Variants in IL1RAPL1 observed in about 807,000 individuals in gnomAD.
IL1RAPL1 encodes the protein interleukin-1 receptor accessory protein-like 1.
A neutral mutation model predicts 48.4 loss-of-function variants in IL1RAPL1; 3 were observed. The observed-to-expected ratio is 0.06, with a 90% CI of 0.03 to 0.16. The LOEUF is 0.16. Ranked by LOEUF, IL1RAPL1 falls within the 10% of genes least tolerant of loss-of-function variation. IL1RAPL1 has a pLI of 1.00. For missense variants in IL1RAPL1, 349 were observed against 530.6 expected (o/e 0.66, Z 3.36); for synonymous variants, 185 against 187.7 (o/e 0.99, Z 0.12).
At chrX:29,336,550 A>G (rs1932999787) in intron 3 of IL1RAPL1, among the ~76,000 whole-genome samples, 1 of 109,971 alleles carries the variant, frequency 9.1e-6, no homozygotes, top group Non-Finnish European at 1.9e-5. Flanking sequence ...CAACACTCCT[A>G]TGCCAAAAGA....
At position 29,165,986 on chromosome X, in the gene IL1RAPL1, G is replaced by A. The variant is rs146586989; in HGVS notation, c.83-116952G>A. Among the ~76,000 whole-genome samples the A allele has an allele frequency of 4.1e-3, 457 of 112,667 alleles. 1 individual carries two copies. The highest frequency in any genetic ancestry group is 0.028 in the Middle Eastern group (6 of 217). On this transcript the variant is annotated intron_variant, in intron 2 of 10. Coordinates refer to ENST00000378993, the MANE Select transcript of IL1RAPL1 (RefSeq NM_014271.4). The stretch of plus-strand genomic sequence containing the variant: ...TTTCTAAGCTTTGTCAATAAGGGTA[G>A]TATTTAGTCATGCAACACTTTAGCT...
chrX:29,193,334 C>T (rs1324885155), intron 2 of IL1RAPL1, among the ~76,000 whole-genome samples: 1 of 110,792 alleles, frequency 9.0e-6, no homozygotes, highest in Non-Finnish European at 1.9e-5. Context: ...TCTTATATAA[C>T]ACAAATTCTC....
At chrX:29,729,650 C>T (rs1342388421) in intron 6 of IL1RAPL1, among the ~76,000 whole-genome samples, 2 of 111,759 alleles carry the variant, frequency 1.8e-5, no homozygotes, top group Non-Finnish European at 3.8e-5. Context: ...CTTCCCATTA[C>T]CTCCAAACTC....
chrX:28,609,534 G>A (rs1373404967), intron 1 of IL1RAPL1, among the ~76,000 whole-genome samples: 7 of 102,638 alleles, frequency 6.8e-5, no homozygotes, highest in Non-Finnish European at 3.9e-5. Context: ...AGCCTGGCAG[G>A]CATTTTTTTT....
intron 2 of IL1RAPL1, among the ~76,000 whole-genome samples, chrX:29,000,301 G>A (rs1459773700): frequency 1.8e-5 from 2 of 111,486 alleles, no homozygotes; most frequent in Non-Finnish European, 3.8e-5. Flanking sequence ...AAGCTTATAC[G>A]AATTTTCATT....
At chrX:29,096,161 G>A (rs1602055032) in intron 2 of IL1RAPL1, among the ~76,000 whole-genome samples, 2 of 111,299 alleles carry the variant, frequency 1.8e-5, no homozygotes, top group African/African-American at 3.3e-5. Flanking sequence ...GTTCAGTGCA[G>A]CACCCTACCA....
intron 2 of IL1RAPL1, among the ~76,000 whole-genome samples, chrX:29,099,077 G>A (rs1221496290): frequency 3.6e-5 from 4 of 111,584 alleles, no homozygotes; most frequent in African/African-American, 6.5e-5. Flanking sequence ...GTTTGAACCC[G>A]GGAGGCAGAG....
chrX:29,095,711 A>G lies in IL1RAPL1; in HGVS notation c.83-187227A>G, dbSNP rs186266472. 4.8e-4 allele frequency among the ~76,000 whole-genome samples: 53 copies of G among 110,371 alleles called. No homozygotes were observed. The East Asian group carries it at 0.014, about 30-fold the overall frequency. ...AATAATGGTACCTTTTCAAAAGGAT[A>G]GGTTTTATATACTATGAGATGTCCT... On this transcript the variant is annotated intron_variant, in intron 2 of 10. Transcript: ENST00000378993.
At chrX:29,332,651 T>A (rs1287221939) in intron 3 of IL1RAPL1, among the ~76,000 whole-genome samples, 1 of 85,152 alleles carries the variant, frequency 1.2e-5, no homozygotes, top group African/African-American at 5.1e-5. Flanking sequence ...TTTATTTATT[T>A]TATTTTTTTT....
At chrX:29,806,738 C>T (rs1002746096) in intron 6 of IL1RAPL1, among the ~76,000 whole-genome samples, 1 of 111,339 alleles carries the variant, frequency 9.0e-6, no homozygotes, top group African/African-American at 3.3e-5. Flanking sequence ...TATCTATTAG[C>T]CATTTACATA....
rs1325301423 is a variant in IL1RAPL1 at position 29,723,115 on chromosome X, A to C, written c.778+54611A>C. ...TTTTATCAGACCGGATAGAATGAGGATCTTACCAATTTCAGTGTGGGTATA... is the reference window on the plus strand; with the variant it reads ...TTTTATCAGACCGGATAGAATGAGGCTCTTACCAATTTCAGTGTGGGTATA... On this transcript the variant is annotated intron_variant, in intron 6 of 10. Transcript: ENST00000378993. Among the ~76,000 whole-genome samples, 6 of 112,352 alleles carry C rather than the reference A, an allele frequency of 5.3e-5. No individual in the cohort carries two copies. The Admixed American group carries it at 5.6e-4, about 11-fold the overall frequency.
At chrX:29,510,401 A>G (rs1457954430) in intron 5 of IL1RAPL1, among the ~76,000 whole-genome samples, 1 of 112,264 alleles carries the variant, frequency 8.9e-6, no homozygotes, top group African/African-American at 3.2e-5. Context: ...AGAGTTTCAC[A>G]TTTTCCAATG....
intron 5 of IL1RAPL1, among the ~76,000 whole-genome samples, chrX:29,490,482 G>A (rs1327262378): frequency 9.0e-6 from 1 of 111,242 alleles, no homozygotes; most frequent in Non-Finnish European, 1.9e-5. Flanking sequence ...ACAGTGAGCC[G>A]AGATTGTGCC....
At chrX:29,820,695 A>G (rs1930592775) in intron 6 of IL1RAPL1, among the ~76,000 whole-genome samples, 3 of 112,169 alleles carry the variant, frequency 2.7e-5, no homozygotes, top group Non-Finnish European at 1.9e-5. Flanking sequence ...AAGGAGATGT[A>G]TTAGAAGTCC....
intron 2 of IL1RAPL1, among the ~76,000 whole-genome samples, chrX:29,210,593 G>A (rs1250109059): frequency 8.9e-6 from 1 of 111,786 alleles, no homozygotes; most frequent in Non-Finnish European, 1.9e-5. Context: ...GCCAGCTTCA[G>A]AAATGTATTC....
chrX:29,406,018 T>C (rs1156608050), intron 5 of IL1RAPL1, among the ~76,000 whole-genome samples: 1 of 112,251 alleles, frequency 8.9e-6, no homozygotes, highest in Non-Finnish European at 1.9e-5. Context: ...CATTGTTTCC[T>C]GAACTGGTGT....
intron 2 of IL1RAPL1, among the ~76,000 whole-genome samples, chrX:28,978,738 TTGG>T (rs1165507205): frequency 9.0e-6 from 1 of 111,660 alleles, no homozygotes; most frequent in East Asian, 2.8e-4. Flanking sequence ...GAGTGGAGAG[TTGG>T]TGGTAACCGG....
chrX:29,121,224 G>C (rs1474316914), intron 2 of IL1RAPL1, among the ~76,000 whole-genome samples: 1 of 111,845 alleles, frequency 8.9e-6, no homozygotes, highest in East Asian at 2.8e-4. Flanking sequence ...CATCATACTG[G>C]AAGTCTTAGC....
At chrX:29,756,353 T>C (rs949874766) in intron 6 of IL1RAPL1, among the ~76,000 whole-genome samples, 26 of 111,938 alleles carry the variant, frequency 2.3e-4, no homozygotes, top group African/African-American at 7.8e-4. Flanking sequence ...GGTGGATAAC[T>C]TTATTTTTTT....
Sources: gnomAD v4.1 joint callset for allele counts (sites outside exome capture counted in the v4.1 genomes callset) on GRCh38, gnomAD v4.1.1 for gene constraint, MANE v1.5 for transcripts, NCBI Gene and HGNC (gene_info 2026-07-23, HGNC 2026-07-21) for gene names.